The following DOCK3 variants were observed in gnomAD, a reference collection of about 807,000 sequenced individuals.
The protein encoded by DOCK3 is dedicator of cytokinesis 3.
Under a neutral mutation model 265.6 loss-of-function variants are expected in DOCK3, and 60 were observed. The ratio of observed to expected loss-of-function variants is 0.23; its 90% CI spans 0.18 to 0.28. The LOEUF (loss-of-function observed/expected upper bound fraction) is 0.28, where lower values mean the gene tolerates loss of function less well. Ranked by LOEUF, DOCK3 falls within the 10% of genes least tolerant of loss-of-function variation. The pLI, the probability that DOCK3 is intolerant of heterozygous loss-of-function variation, is 1.00. For missense variants in DOCK3, 1,981 were observed against 2,594.3 expected (o/e 0.76, Z 5.14); for synonymous variants, 881 against 938.0 (o/e 0.94, Z 1.11).
At position 50,786,796 on chromosome 3, in the gene DOCK3, A is replaced by G. The variant is rs562942116; in HGVS notation, c.121+8038A>G. ...ACTGGCACATGAACTGTTTGTGCCCAACGTGGATGCTCATGTGGGTGTGTA... is the reference window on the plus strand; with the variant it reads ...ACTGGCACATGAACTGTTTGTGCCCGACGTGGATGCTCATGTGGGTGTGTA... On this transcript the variant is annotated intron_variant, in intron 2 of 52. Coordinates refer to ENST00000266037, the MANE Select transcript of DOCK3 (RefSeq NM_004947.5). 8.1e-6 allele frequency: 6 copies of G among 741,188 alleles called. No homozygotes were observed. In the South Asian group the frequency reaches 8.1e-5, roughly 10 times the overall value. The allele number at this position is 741,188 out of a possible 1,614,324, so 45.9% of individuals were successfully genotyped here.
intron 5 of DOCK3, among the ~76,000 whole-genome samples, chr3:51,035,410 A>G (rs139635731): frequency 0.017 from 2,575 of 152,220 alleles, 53 homozygotes; most frequent in African/African-American, 0.042. Context: ...TTTCTGTTCT[A>G]AAATTTCCAA....
intron 3 of DOCK3, among the ~76,000 whole-genome samples, chr3:50,847,138 C>A (rs1360745335): frequency 1.3e-5 from 2 of 151,872 alleles, no homozygotes; most frequent in Admixed American, 1.3e-4. Flanking sequence ...ATTAACTCTG[C>A]TTTTGCTTCA....
chr3:50,733,567 A>T (rs956320007), intron 1 of DOCK3, among the ~76,000 whole-genome samples: 5 of 152,106 alleles, frequency 3.3e-5, no homozygotes, highest in African/African-American at 7.2e-5. Flanking sequence ...TTTCATTTGG[A>T]TGGAATATCT....
intron 5 of DOCK3, among the ~76,000 whole-genome samples, chr3:50,985,689 A>G (rs2077871939): frequency 6.6e-6 from 1 of 152,154 alleles, no homozygotes; most frequent in South Asian, 2.1e-4. Context: ...TGTGCTGAGC[A>G]CCATAACATA....
At chr3:51,355,792 C>T (rs1267190374) in intron 41 of DOCK3, among the ~76,000 whole-genome samples, 2 of 152,184 alleles carry the variant, frequency 1.3e-5, no homozygotes, top group East Asian at 1.9e-4. Flanking sequence ...CCTGCATTCC[C>T]CTCTTTCCCT....
rs534679000 is a variant in DOCK3, at chr3:50,788,272, G to A, written c.121+9514G>A. 2.0e-5 allele frequency: 11 copies of A among 542,398 alleles called. No homozygotes were observed. In the South Asian group the frequency reaches 4.2e-4, roughly 21 times the overall value. 33.6% of individuals were successfully genotyped at this position (542,398 alleles called of 1,614,324 possible). A position where few individuals can be genotyped will look rare whatever the true frequency, so the allele number is the denominator to read the frequency against. On this transcript the variant is annotated intron_variant, in intron 2 of 52. Coordinates refer to ENST00000266037, the MANE Select transcript of DOCK3 (RefSeq NM_004947.5). ...TTCAACCAGCTCCTGACGAGAAGTG[G>A]CTGTGTGCCTCATTGGTAAATGACT...
In DOCK3 at chr3:50,675,089, C is replaced by A; in HGVS notation, c.-175C>A. Reference sequence around the variant, plus strand: ...CACCCGCGGAGCCTCGCGGTCCAGACGTGGCGGGGGTGGCGGCGGCATCCC... The same window carrying A: ...CACCCGCGGAGCCTCGCGGTCCAGAAGTGGCGGGGGTGGCGGCGGCATCCC... On this transcript the variant is annotated 5_prime_UTR_variant, in exon 1 of 53. Coordinates refer to ENST00000266037, the MANE Select transcript of DOCK3 (RefSeq NM_004947.5). The surrounding 1 kb of genome is among the most constrained non-coding windows in gnomAD (Gnocchi z 6.1). The A allele has an allele frequency of 3.8e-6, 1 of 263,288 alleles. No individual in the cohort carries two copies. Among genetic ancestry groups the A allele is most frequent in the Non-Finnish European group, 5.9e-6 (1 of 169,118 alleles). The allele number at this position is 263,288 out of a possible 1,614,324, so 16.3% of individuals were successfully genotyped here.
At chr3:50,721,263 C>G (rs1343415481) in intron 1 of DOCK3, among the ~76,000 whole-genome samples, 1 of 152,070 alleles carries the variant, frequency 6.6e-6, no homozygotes, top group Non-Finnish European at 1.5e-5. Context: ...AAATCTTTGC[C>G]AGAGCCTATG....
At chr3:51,222,122 A>G (rs1429661429) in intron 14 of DOCK3, among the ~76,000 whole-genome samples, 2 of 152,222 alleles carry the variant, frequency 1.3e-5, no homozygotes, top group Non-Finnish European at 2.9e-5. Flanking sequence ...ACAATCATCC[A>G]GGCACTGGTA....
chr3:50,971,997 C>A (rs932882299), intron 5 of DOCK3, among the ~76,000 whole-genome samples: 1 of 152,238 alleles, frequency 6.6e-6, no homozygotes, highest in African/African-American at 2.4e-5. Context: ...TGCTCTTGTC[C>A]AGTGCTCGGA....
intron 1 of DOCK3, among the ~76,000 whole-genome samples, chr3:50,735,489 C>T (rs1039298026): frequency 6.6e-6 from 1 of 152,026 alleles, no homozygotes; most frequent in African/African-American, 2.4e-5. Context: ...TACAGGTGCA[C>T]CACCATGCCC....
chr3:51,330,157 A>G lies in DOCK3; in HGVS notation c.3422A>G (p.Asp1141Gly). 2 of 1,605,664 alleles carry G rather than the reference A, an allele frequency of 1.2e-6. No individual in the cohort carries two copies. The highest frequency in any genetic ancestry group is 1.1e-5 in the South Asian group (1 of 88,874). ...NFKQVEAELI[D>G]KLDSMVSEGK... ...TTCTAGGTGGAGGCCGAGTTGATTGACAAGCTGGACAGCATGGTGTCAGAA... is the reference window on the plus strand; with the variant it reads ...TTCTAGGTGGAGGCCGAGTTGATTGGCAAGCTGGACAGCATGGTGTCAGAA... Residue 1141 changes from aspartate to glycine, a missense_variant, in exon 33 of 53, where the codon GAC (aspartate) becomes GGC (glycine). Asp to Gly is a moderately conservative substitution (Grantham distance 94). Around this residue, in one of 4 missense-constraint regions of DOCK3, gnomAD observed 1,357 missense variants for 1,866.8 expected, o/e 0.73. Coordinates refer to ENST00000266037, the MANE Select transcript of DOCK3 (RefSeq NM_004947.5).
chr3:50,961,479 A>G (rs2076884682), intron 5 of DOCK3, among the ~76,000 whole-genome samples: 1 of 152,156 alleles, frequency 6.6e-6, no homozygotes, highest in South Asian at 2.1e-4. Context: ...TAGAGTCCTG[A>G]AGAAGATGAG....
chr3:51,116,105 T>A (rs553016030), intron 9 of DOCK3, among the ~76,000 whole-genome samples: 5 of 152,148 alleles, frequency 3.3e-5, no homozygotes, highest in Non-Finnish European at 7.4e-5. Flanking sequence ...TCTTTTTGCT[T>A]AGAATTGTCT....
chr3:50,778,453 C>T (rs1425702139), intron 1 of DOCK3, among the ~76,000 whole-genome samples: 2 of 152,130 alleles, frequency 1.3e-5, no homozygotes, highest in African/African-American at 2.4e-5. Context: ...GCACCCACCA[C>T]TCATGGATAG....
intron 4 of DOCK3, among the ~76,000 whole-genome samples, chr3:50,916,998 A>G (rs1041391486): frequency 2.6e-5 from 4 of 152,102 alleles, no homozygotes; most frequent in Non-Finnish European, 5.9e-5. Context: ...ATGGAATGTA[A>G]TAATGTTGAA....
chr3:51,075,393 G>C lies in DOCK3; in HGVS notation c.502G>C (p.Glu168Gln). ...GLDLVPRKDF[E>Q]VVDSDQISVS... ...GGACCTGGTGCCTCGGAAGGACTTT[G>C]AAGTAGTGGACTCGGACCAGATTAG... The change falls in exon 7 of 53, where the codon GAA (glutamate) becomes CAA (glutamine). Residue 168 changes from glutamate (E) to glutamine (Q), a missense_variant. By Grantham distance (29) the Glu-to-Gln change is conservative (BLOSUM62 2). Coordinates refer to ENST00000266037, the MANE Select transcript of DOCK3 (RefSeq NM_004947.5). 6.2e-7 allele frequency: 1 copy of C among 1,611,382 alleles called. No individual in the cohort carries two copies. Among genetic ancestry groups the C allele is most frequent in the African/African-American group, 1.3e-5 (1 of 75,008 alleles).
intron 2 of DOCK3, among the ~76,000 whole-genome samples, chr3:50,794,375 T>C (rs567414017): frequency 8.5e-5 from 13 of 152,366 alleles, no homozygotes; most frequent in African/African-American, 3.1e-4. Context: ...TGTGTCTCTT[T>C]GTAGGTCTCT....
At chr3:50,857,645 G>T (rs2046668351) in intron 3 of DOCK3, among the ~76,000 whole-genome samples, 1 of 152,168 alleles carries the variant, frequency 6.6e-6, no homozygotes, top group African/African-American at 2.4e-5. Flanking sequence ...CTCAAAGGAA[G>T]ACATTTATGC....
Sources: allele counts gnomAD v4.1 joint callset (sites outside exome capture counted in the v4.1 genomes callset), GRCh38; gene constraint gnomAD v4.1.1; regional missense constraint gnomAD v4.1.1; non-coding constraint Gnocchi (gnomAD v3.1); transcripts MANE v1.5; gene names NCBI Gene and HGNC (gene_info 2026-07-23, HGNC 2026-07-21).